The following VRK2 variants were observed in gnomAD, a reference collection of about 807,000 sequenced individuals.
VRK2 encodes serine/threonine-protein kinase VRK2.
Under a neutral mutation model 57.6 loss-of-function variants are expected in VRK2, and 60 were observed. That is an observed-to-expected ratio of 1.04 (90% confidence interval 0.85 to 1.29). The LOEUF is 1.29. VRK2 is among the 50% of genes most tolerant of loss of function. VRK2 has a pLI of 0.00. For missense variants in VRK2, 705 were observed against 588.1 expected, an observed-to-expected ratio of 1.20 and a Z score of -2.06; for synonymous variants, 231 against 199.2, an observed-to-expected ratio of 1.16 and a Z score of -1.35.
chr2:58,149,625 G>A (rs1410225683), intron 12 of VRK2, among the ~76,000 whole-genome samples: 1 of 151,492 alleles, frequency 6.6e-6, no homozygotes, highest in Non-Finnish European at 1.5e-5. Flanking sequence ...CCTGATCTTA[G>A]GGGGAATGCA....
At chr2:58,041,880 C>G (rs1364625473), upstream of VRK2, among the ~76,000 whole-genome samples, 1 of 152,130 alleles carries the variant, frequency 6.6e-6, no homozygotes, top group Admixed American at 6.5e-5. Flanking sequence ...CTCAGAAAAT[C>G]TTTGAATCCA....
At position 58,159,359 on chromosome 2, in the gene VRK2, G is replaced by C; in HGVS notation, c.1193G>C (p.Arg398Thr). 2 of 1,604,990 alleles carry C rather than the reference G, an allele frequency of 1.2e-6. No individual in the cohort carries two copies. Among genetic ancestry groups the C allele is most frequent in the Non-Finnish European group, 1.7e-6 (2 of 1,176,808 alleles). ...MNNEAAQESTRRRQKYQESQE... is the reference protein window; with the variant it reads ...MNNEAAQESTTRRQKYQESQE... ...GTATTTTTTCCATAGGAAAGCACAA[G>C]GAGAAGACAGAAATATCAAGAGTCT... Residue 398 changes from arginine to threonine, a missense_variant, in exon 13 of 13, where the codon AGG (arginine) becomes ACG (threonine). Coordinates refer to ENST00000340157, the MANE Select transcript of VRK2 (RefSeq NM_006296.7).
intron 1 of VRK2, among the ~76,000 whole-genome samples, chr2:57,919,026 T>C (rs889612638): frequency 1.3e-5 from 2 of 152,060 alleles, no homozygotes; most frequent in African/African-American, 4.8e-5. Context: ...ACCATCTTGG[T>C]TAAAGTTTTT....
At chr2:58,129,334 A>C (rs940253048) in intron 8 of VRK2, among the ~76,000 whole-genome samples, 1 of 152,200 alleles carries the variant, frequency 6.6e-6, no homozygotes, top group African/African-American at 2.4e-5. Flanking sequence ...CAAATGAATG[A>C]AAATATATTA....
intron 1 of VRK2, among the ~76,000 whole-genome samples, chr2:57,944,213 T>C (rs1367508565): frequency 6.6e-6 from 1 of 152,196 alleles, no homozygotes; most frequent in African/African-American, 2.4e-5. Flanking sequence ...GCTACAGCCA[T>C]GTGTGGGGTT....
intron 7 of VRK2, among the ~76,000 whole-genome samples, chr2:58,105,656 G>A (rs1379499591): frequency 1.3e-5 from 2 of 151,244 alleles, no homozygotes; most frequent in South Asian, 2.1e-4. Flanking sequence ...TTTTCAGTTA[G>A]TGTGGGAAAA....
chr2:57,946,926 T>C (rs940031990), intron 1 of VRK2, among the ~76,000 whole-genome samples: 1 of 152,074 alleles, frequency 6.6e-6, no homozygotes, highest in African/African-American at 2.4e-5. Flanking sequence ...TTGCAAATAA[T>C]AGTGTCTGAT....
chr2:58,077,174 T>TC (rs1244394081), intron 2 of VRK2, among the ~76,000 whole-genome samples: 2 of 152,176 alleles, frequency 1.3e-5, no homozygotes, highest in Non-Finnish European at 1.5e-5. Flanking sequence ...CTCTTTTTTT[T>TC]CTCCTCTAAA....
At chr2:57,957,425 A>G (rs1671620037) in intron 1 of VRK2, among the ~76,000 whole-genome samples, 1 of 152,052 alleles carries the variant, frequency 6.6e-6, no homozygotes, top group Non-Finnish European at 1.5e-5. Context: ...CATAACTTGT[A>G]ACATGTAAAA....
chr2:58,066,365 A>G (rs1668612984), intron 2 of VRK2, among the ~76,000 whole-genome samples: 2 of 152,200 alleles, frequency 1.3e-5, no homozygotes, highest in Admixed American at 1.3e-4. Flanking sequence ...GATTATTAAT[A>G]TGGTAGATGA....
chr2:58,131,374 A>G (rs1402377439), intron 8 of VRK2, among the ~76,000 whole-genome samples: 1 of 151,520 alleles, frequency 6.6e-6, no homozygotes, highest in Non-Finnish European at 1.5e-5. Context: ...TTTAGTCTGC[A>G]CTCAGAGGGT....
chr2:58,047,115 G>A, intron 1 of VRK2: 2 of 431,752 alleles, frequency 4.6e-6, no homozygotes, highest in Non-Finnish European at 6.2e-6. Flanking sequence ...CGGGTCCGAC[G>A]TGTTAGCGGA....
chr2:57,977,120 G>A (rs1158689854), intron 1 of VRK2, among the ~76,000 whole-genome samples: 1 of 152,142 alleles, frequency 6.6e-6, no homozygotes, highest in East Asian at 1.9e-4. Flanking sequence ...CTGTAGTCTT[G>A]TAGTATAATT....
At chr2:58,159,914 TC>T (rs767617831), downstream of VRK2, 18 of 1,542,130 alleles carry the variant, frequency 1.2e-5, no homozygotes, top group Non-Finnish European at 1.6e-5. Flanking sequence ...GGAAAACACT[TC>T]TGAAGTTTCA....
intron 8 of VRK2, among the ~76,000 whole-genome samples, chr2:58,127,141 AC>A (rs983151193): frequency 1.3e-5 from 2 of 152,030 alleles, no homozygotes; most frequent in African/African-American, 4.8e-5. Flanking sequence ...TATATTGCAT[AC>A]TTTTTTTTAA....
chr2:57,927,846 C>T (rs1271613359), intron 1 of VRK2, among the ~76,000 whole-genome samples: 1 of 152,142 alleles, frequency 6.6e-6, no homozygotes, highest in East Asian at 1.9e-4. Flanking sequence ...TTTCCTTCAG[C>T]ACTTTAAATA....
chr2:57,948,303 G>T (rs1299705583), intron 1 of VRK2, among the ~76,000 whole-genome samples: 3 of 152,094 alleles, frequency 2.0e-5, no homozygotes, highest in Non-Finnish European at 4.4e-5. Context: ...CTCATTAACT[G>T]CTGCCATACT....
Position 58,146,287 on chromosome 2 carries a change from A to G in VRK2, c.1024-29A>G, listed in dbSNP as rs374508447. On this transcript the variant is annotated intron_variant, in intron 11 of 12. Coordinates refer to ENST00000340157, the MANE Select transcript of VRK2 (RefSeq NM_006296.7). ...TAGAGAAATACCAAAAGTTTTCATT[A>G]TATATTATTACTTACTCTATACCAA... is the stretch of plus-strand genomic sequence containing the variant. The G allele has an allele frequency of 8.3e-5, 128 of 1,547,160 alleles. 1 individual carries two copies. The South Asian group carries it at 1.2e-3, about 14-fold the overall frequency.
chr2:58,155,763 C>A (rs1332103946), intron 12 of VRK2, among the ~76,000 whole-genome samples: 2 of 148,082 alleles, frequency 1.4e-5, no homozygotes, highest in Non-Finnish European at 3.0e-5. Flanking sequence ...CACCATCCCC[C>A]CCACCCCGCC....
Sources: allele counts gnomAD v4.1 joint callset (sites outside exome capture counted in the v4.1 genomes callset), GRCh38; gene constraint gnomAD v4.1.1; transcripts MANE v1.5; gene names NCBI Gene and HGNC (gene_info 2026-07-23, HGNC 2026-07-21).